Variants in MCTP2 observed in about 807,000 individuals in gnomAD.
MCTP2 encodes multiple C2 and transmembrane domain containing 2.
A neutral mutation model predicts 111.6 loss-of-function variants in MCTP2; 132 were observed. The ratio of observed to expected loss-of-function variants is 1.18; its 90% CI spans 1.03 to 1.37. The LOEUF is 1.37. Ranked by LOEUF, MCTP2 falls within the 40% of genes most tolerant of loss-of-function variation. MCTP2 has a pLI of 0.00. For synonymous variants in MCTP2, 395 were observed against 387.7 expected (o/e 1.02, Z -0.22); for missense variants, 1,183 against 1,067.9 (o/e 1.11, Z -1.50).
At chr15:94,262,312 T>C (rs2073233134) in intron 1 of MCTP2, among the ~76,000 whole-genome samples, 1 of 152,214 alleles carries the variant, frequency 6.6e-6, no homozygotes, top group Non-Finnish European at 1.5e-5. Flanking sequence ...TAGTTTTAAT[T>C]TCTGATGTGT....
At chr15:94,304,547 C>A (rs1439574767) in intron 2 of MCTP2, among the ~76,000 whole-genome samples, 1 of 152,208 alleles carries the variant, frequency 6.6e-6, no homozygotes, top group Non-Finnish European at 1.5e-5. Flanking sequence ...TCAATGTCTA[C>A]TTCATTAACC....
intron 20 of MCTP2, among the ~76,000 whole-genome samples, chr15:94,470,006 T>G (rs1269544465): frequency 6.6e-6 from 1 of 152,176 alleles, no homozygotes; most frequent in Non-Finnish European, 1.5e-5. Context: ...TTTGAAGATC[T>G]CCATGCATAG....
At chr15:94,464,239 AATATATATATATATATATTATATAT>A (rs1228567188) in intron 20 of MCTP2, among the ~76,000 whole-genome samples, 3 of 89,364 alleles carry the variant, frequency 3.4e-5, no homozygotes, top group African/African-American at 4.7e-5. Flanking sequence ...TTATATATAT[AATATATATATATATATATTATATAT>A]ATATATATAT....
At chr15:94,258,514 A>G (rs903957559) in intron 1 of MCTP2, among the ~76,000 whole-genome samples, 6 of 152,194 alleles carry the variant, frequency 3.9e-5, no homozygotes, top group African/African-American at 1.4e-4. Flanking sequence ...TAAATGTAAG[A>G]GTGACTTGAG....
chr15:94,349,171 G>A (rs1276333401), intron 8 of MCTP2, among the ~76,000 whole-genome samples: 1 of 152,086 alleles, frequency 6.6e-6, no homozygotes, highest in African/African-American at 2.4e-5. Flanking sequence ...TATTAACCTG[G>A]ACAGAATGAC....
intron 20 of MCTP2, among the ~76,000 whole-genome samples, chr15:94,461,122 A>T (rs2085178395): frequency 6.6e-6 from 1 of 152,194 alleles, no homozygotes. Context: ...ATATTACACA[A>T]ATTTTAAATG....
chr15:94,250,246 G>A (rs528738785), intron 1 of MCTP2, among the ~76,000 whole-genome samples: 181 of 152,216 alleles, frequency 1.2e-3, no homozygotes, highest in Non-Finnish European at 1.6e-3. Context: ...TCTGTTCCTG[G>A]TGTATGTGTG....
chr15:94,368,888 G>A (rs1336672735), intron 11 of MCTP2, among the ~76,000 whole-genome samples: 2 of 152,210 alleles, frequency 1.3e-5, no homozygotes, highest in African/African-American at 2.4e-5. Context: ...GATTTGAGGA[G>A]TAGTAATCGA....
At chr15:94,261,292 C>T (rs2073165235) in intron 1 of MCTP2, among the ~76,000 whole-genome samples, 1 of 152,182 alleles carries the variant, frequency 6.6e-6, no homozygotes, top group South Asian at 2.1e-4. Context: ...GCATCTTTAA[C>T]CTTGGCAAAA....
chr15:94,417,932 C>G (rs1184376437), intron 17 of MCTP2, among the ~76,000 whole-genome samples: 1 of 152,118 alleles, frequency 6.6e-6, no homozygotes, highest in African/African-American at 2.4e-5. Flanking sequence ...TGTGAACTTA[C>G]TGCAAGCCTG....
At chr15:94,456,770 C>A (rs1438192787) in intron 19 of MCTP2, among the ~76,000 whole-genome samples, 2 of 152,196 alleles carry the variant, frequency 1.3e-5, no homozygotes, top group Non-Finnish European at 2.9e-5. Context: ...TTTATTCAAG[C>A]CATTGCAGCA....
chr15:94,290,736 C>A (rs933765135), intron 1 of MCTP2, among the ~76,000 whole-genome samples: 3 of 152,074 alleles, frequency 2.0e-5, no homozygotes, highest in African/African-American at 7.2e-5. Context: ...CAAACACAAA[C>A]CAAAAGTAAA....
chr15:94,413,461 G>A (rs1296532271), intron 17 of MCTP2, among the ~76,000 whole-genome samples: 3 of 150,154 alleles, frequency 2.0e-5, no homozygotes, highest in African/African-American at 7.4e-5. Flanking sequence ...TCATTTTTAC[G>A]TTCTTTAACC....
chr15:94,474,975 T>C (rs1265887579), intron 21 of MCTP2, among the ~76,000 whole-genome samples: 2 of 152,158 alleles, frequency 1.3e-5, no homozygotes, highest in African/African-American at 4.8e-5. Flanking sequence ...GAATGCAGTG[T>C]TTTGATCAGC....
chr15:94,350,854 C>T (rs1394505940), intron 8 of MCTP2, among the ~76,000 whole-genome samples: 6 of 151,888 alleles, frequency 4.0e-5, no homozygotes, highest in Admixed American at 6.6e-5. Flanking sequence ...ATCACATGGC[C>T]CTTGTTGTTG....
At chr15:94,384,482 T>C (rs763096405) in intron 13 of MCTP2, among the ~76,000 whole-genome samples, 6 of 152,186 alleles carry the variant, frequency 3.9e-5, no homozygotes, top group Non-Finnish European at 8.8e-5. Context: ...CCAAAATCTT[T>C]AGGAAAATAC....
chr15:94,386,802 A>AAAC (rs1555464135), intron 14 of MCTP2, among the ~76,000 whole-genome samples: 1 of 150,972 alleles, frequency 6.6e-6, no homozygotes, highest in Non-Finnish European at 1.5e-5. Flanking sequence ...AACATGACTT[A>AAAC]AAAACAAAAC....
intron 1 of MCTP2, among the ~76,000 whole-genome samples, chr15:94,245,325 C>A (rs182622445): frequency 7.2e-6 from 1 of 138,580 alleles, no homozygotes; most frequent in Non-Finnish European, 1.5e-5. Context: ...CATATATTTA[C>A]ATACATATGT....
At chr15:94,434,851 TTCTTTC>T (rs1410149999) in intron 17 of MCTP2, among the ~76,000 whole-genome samples, 1 of 145,470 alleles carries the variant, frequency 6.9e-6, no homozygotes, top group African/African-American at 2.7e-5. Flanking sequence ...CTTTCTTTCT[TTCTTTC>T]TTTTTTTTTT....
Sources: gnomAD v4.1 joint callset for allele counts (sites outside exome capture counted in the v4.1 genomes callset) on GRCh38, gnomAD v4.1.1 for gene constraint, MANE v1.5 for transcripts, NCBI Gene and HGNC (gene_info 2026-07-23, HGNC 2026-07-21) for gene names.